DZIP3: variants seen among roughly 807,000 people sequenced by gnomAD.
DZIP3 encodes E3 ubiquitin-protein ligase DZIP3.
DZIP3 carries 118 observed loss-of-function variants against 162.0 expected under a neutral mutation model. The ratio of observed to expected loss-of-function variants is 0.73; its 90% CI spans 0.63 to 0.85. DZIP3 has a LOEUF of 0.85. Ranked by LOEUF, DZIP3 falls within the 40% of genes least tolerant of loss-of-function variation. DZIP3 has a pLI of 0.00. For synonymous variants in DZIP3, 438 were observed against 458.6 expected, an observed-to-expected ratio of 0.96 and a Z score of 0.57; for missense variants, 1,331 against 1,407.0, an observed-to-expected ratio of 0.95 and a Z score of 0.86.
chr3:108,688,288 A>C (rs994498120), intron 29 of DZIP3, among the ~76,000 whole-genome samples, 192 bp downstream of exon 29: 5 of 152,162 alleles, frequency 3.3e-5, no homozygotes, highest in African/African-American at 1.2e-4. Context: ...CCTGTTACCT[A>C]ATCATTCTAG....
intron 22 of DZIP3, among the ~76,000 whole-genome samples, chr3:108,671,838 T>G (rs1245949554): frequency 6.6e-6 from 1 of 151,922 alleles, no homozygotes; most frequent in Non-Finnish European, 1.5e-5. Context: ...AGTAGTACCG[T>G]TTTTTCCATT....
At chr3:108,618,291 T>C (rs1941123771) in intron 5 of DZIP3, among the ~76,000 whole-genome samples, 1 of 152,202 alleles carries the variant, frequency 6.6e-6, no homozygotes, top group African/African-American at 2.4e-5. Flanking sequence ...TTCTTAGAAA[T>C]GTTTTATTTA....
Position 108,644,201 on chromosome 3 carries a change from C to T in DZIP3, c.1179C>T (p.Phe393=). 6.2e-7 allele frequency: 1 copy of T among 1,604,872 alleles called. No homozygotes were observed. The highest frequency in any genetic ancestry group is 2.2e-5 in the East Asian group (1 of 44,780). ...TCTTCAAGCTTGATTATAATTATTT[C>T]TATCATCTGCTTCATATAATTATTA... is the stretch of plus-strand genomic sequence containing the variant. The part of the protein sequence containing the change: ...MPIFKLDYNY[F]YHLLHIIIIS... The change falls in exon 14 of 33, where the codon TTC becomes TTT. Residue 393 remains phenylalanine (F), a synonymous_variant. Coordinates refer to ENST00000361582, the MANE Select transcript of DZIP3 (RefSeq NM_014648.4).
At chr3:108,660,878 GA>G in intron 19 of DZIP3, among the ~76,000 whole-genome samples, 1 of 152,248 alleles carries the variant, frequency 6.6e-6, no homozygotes, top group African/African-American at 2.4e-5. Flanking sequence ...AAAGACAGAT[GA>G]AAAAATACTC....
At chr3:108,609,850 T>TA (rs1940599488) in intron 3 of DZIP3, among the ~76,000 whole-genome samples, 1 of 152,146 alleles carries the variant, frequency 6.6e-6, no homozygotes, top group Non-Finnish European at 1.5e-5. Flanking sequence ...GCATGACACT[T>TA]ACAATATTTC....
intron 21 of DZIP3, 91 bp from the exon 22 acceptor site, chr3:108,669,590 A>T: frequency 8.7e-7 from 1 of 1,150,206 alleles, no homozygotes; most frequent in South Asian, 1.5e-5. Flanking sequence ...GACATACTTT[A>T]TCTCCTCCAC....
chr3:108,664,559 T>A (rs1413001407), intron 21 of DZIP3, among the ~76,000 whole-genome samples: 1 of 152,228 alleles, frequency 6.6e-6, no homozygotes, highest in African/African-American at 2.4e-5. Context: ...TAAGCCAGTC[T>A]GAGACAAAAC....
chr3:108,644,791 G>A lies in DZIP3; in HGVS notation c.1759+10G>A, dbSNP rs375467491. 6.9e-6 allele frequency: 11 copies of A among 1,587,352 alleles called. No individual in the cohort carries two copies. The African/African-American group carries it at 1.5e-4, about 21-fold the overall frequency. On this transcript the variant is annotated intron_variant, in intron 14 of 32. Coordinates refer to ENST00000361582, the MANE Select transcript of DZIP3 (RefSeq NM_014648.4). ...TCCTGCTATCAACAAGGTACTAAAT[G>A]ATTATTTACTTCAGCCAATAAACTT... is the stretch of plus-strand genomic sequence containing the variant.
chr3:108,627,138 C>T (rs1162292892), intron 7 of DZIP3, among the ~76,000 whole-genome samples: 2 of 152,210 alleles, frequency 1.3e-5, no homozygotes, highest in Non-Finnish European at 2.9e-5. Flanking sequence ...ATCCAAATCC[C>T]TTCAGTCTAT....
chr3:108,654,449 A>C (rs1943019388), intron 19 of DZIP3, 139 bp downstream of exon 19: 1 of 943,548 alleles, frequency 1.1e-6, no homozygotes, highest in African/African-American at 1.6e-5. Flanking sequence ...ATAAAAGGTA[A>C]GGAGGGATAT....
intron 12 of DZIP3, among the ~76,000 whole-genome samples, chr3:108,642,125 C>G (rs984280968): frequency 1.3e-5 from 2 of 151,976 alleles, no homozygotes; most frequent in African/African-American, 4.8e-5. Context: ...TGCTTGCTTG[C>G]TTTTTTTGTC....
At chr3:108,593,367 C>G (rs1242370006) in intron 1 of DZIP3, among the ~76,000 whole-genome samples, 1 of 152,156 alleles carries the variant, frequency 6.6e-6, no homozygotes, top group Non-Finnish European at 1.5e-5. Context: ...ACAGTAGTAA[C>G]AATCCTATGT....
At chr3:108,609,670 GTC>G (rs1442661127) in intron 3 of DZIP3, among the ~76,000 whole-genome samples, 1 of 152,058 alleles carries the variant, frequency 6.6e-6, no homozygotes, top group East Asian at 1.9e-4. Context: ...GCAAAACATT[GTC>G]TCTGCTAAAA....
intron 14 of DZIP3, among the ~76,000 whole-genome samples, chr3:108,645,194 A>C (rs1412059038): frequency 6.6e-6 from 1 of 152,164 alleles, no homozygotes; most frequent in Non-Finnish European, 1.5e-5. Context: ...TTTTTGTCAC[A>C]TTAAGGAGTC....
intron 2 of DZIP3, among the ~76,000 whole-genome samples, chr3:108,605,675 A>G (rs1940310901): frequency 1.3e-5 from 2 of 152,184 alleles, no homozygotes; most frequent in Non-Finnish European, 2.9e-5. Flanking sequence ...CAGAAGGTGG[A>G]GCTCAGGTGG....
intron 26 of DZIP3, among the ~76,000 whole-genome samples, chr3:108,680,078 T>A (rs1944250392): frequency 6.6e-6 from 1 of 152,056 alleles, no homozygotes; most frequent in Non-Finnish European, 1.5e-5. Flanking sequence ...GAAAAAGCAT[T>A]TGACAAAATT....
chr3:108,661,829 AT>A (rs760694496), intron 19 of DZIP3, 47 bp from the exon 20 acceptor site: 282 of 1,474,362 alleles, frequency 1.9e-4, no homozygotes, highest in African/African-American at 8.8e-4. Context: ...AATAACTAAA[AT>A]TTTTTTTTGA....
Position 108,677,482 on chromosome 3 carries a change from G to A in DZIP3, c.2782-15G>A. ...TTGGTTGTTCTCTAAAGTATTTTTA[G>A]TCTTCTTCTACCAGACACAGTACAA... On this transcript the variant is annotated splice_polypyrimidine_tract_variant and intron_variant, in intron 25 of 32. Transcript: ENST00000361582. The A allele has an allele frequency of 6.2e-7, 1 of 1,608,392 alleles. No individual in the cohort carries two copies. Among genetic ancestry groups the A allele is most frequent in the Non-Finnish European group, 8.5e-7 (1 of 1,175,734 alleles).
chr3:108,692,028 A>G (rs1944717174), intron 32 of DZIP3, among the ~76,000 whole-genome samples: 1 of 152,180 alleles, frequency 6.6e-6, no homozygotes, highest in South Asian at 2.1e-4. Context: ...GTCCGCATAA[A>G]TAAGCTCTTT....
Sources: gnomAD v4.1 joint callset for allele counts (sites outside exome capture counted in the v4.1 genomes callset) on GRCh38, gnomAD v4.1.1 for gene constraint, MANE v1.5 for transcripts, NCBI Gene and HGNC (gene_info 2026-07-23, HGNC 2026-07-21) for gene names.